LRRC41: variants seen among roughly 807,000 people sequenced by gnomAD.
LRRC41 encodes the protein leucine-rich repeat-containing protein 41.
In LRRC41, 17 loss-of-function variants were observed where a neutral mutation model predicts 72.1. That is an observed-to-expected ratio of 0.24 (90% CI 0.16 to 0.35). LRRC41 has a LOEUF of 0.35. LRRC41 is among the 10% of genes least tolerant of loss of function. The pLI is 1.00. For missense variants in LRRC41, 759 were observed against 1,065.0 expected (o/e 0.71, Z 4.00); for synonymous variants, 427 against 431.0 (o/e 0.99, Z 0.11).
chr1:46,280,596 AT>A, intron 5 of LRRC41, 36 bp from the exon 6 acceptor site: 3 of 1,606,296 alleles, frequency 1.9e-6, no homozygotes, highest in Non-Finnish European at 2.6e-6. Context: ...CCAGCTGGCC[AT>A]CTCTACCTCA....
chr1:46,302,274 C>T lies in LRRC41; in HGVS notation c.199+850G>A, dbSNP rs914057537. ...GTCCGGGATCCCCGGGCCGTCGCCC[C>T]GCTTGGGGCCTCCTTGGCCCTTCCC... On this transcript the variant is annotated intron_variant, in intron 1 of 9. Coordinates refer to ENST00000617190, the MANE Select transcript of LRRC41 (RefSeq NM_006369.5). This position sits in a 1 kb window ranked among gnomAD's most constrained non-coding sequence, Gnocchi z 4.7. 6 of 985,250 alleles carry T rather than the reference C, an allele frequency of 6.1e-6. No individual in the cohort carries two copies. Among genetic ancestry groups the T allele is most frequent in the Non-Finnish European group, 7.2e-6 (6 of 829,888 alleles). The allele number at this position is 985,250 out of a possible 1,614,324, so 61.0% of individuals were successfully genotyped here.
Position 46,280,307 on chromosome 1 carries a change from G to A in LRRC41, c.1922-17C>T, listed in dbSNP as rs1225917764. 1.2e-6 allele frequency: 2 copies of A among 1,611,574 alleles called. No homozygotes were observed. The highest frequency in any genetic ancestry group is 1.7e-5 in the Admixed American group (1 of 60,018). ...GGTTGTACTCTGGATAGGAGGCAGA[G>A]ACCATGGACCATGGACCTTAGCTTT... On this transcript the variant is annotated splice_polypyrimidine_tract_variant and intron_variant, in intron 6 of 9. Coordinates refer to ENST00000617190, the MANE Select transcript of LRRC41 (RefSeq NM_006369.5).
chr1:46,301,843 G>T, intron 1 of LRRC41: 1 of 519,996 alleles, frequency 1.9e-6, no homozygotes, highest in African/African-American at 2.1e-5. Flanking sequence ...CTCCCCAGCA[G>T]GCCTCGGCCG....
At position 46,279,282 on chromosome 1, in the gene LRRC41, T is replaced by G. The variant is rs376475402; in HGVS notation, c.2144-25A>C. ...CCTGGAGAGAAGGGGAGAACGCCTA[T>G]CACCTCCACCCAAGAACAGGGGACA... On this transcript the variant is annotated intron_variant, in intron 8 of 9. Transcript: ENST00000617190. The surrounding 1 kb of genome is among the most constrained non-coding windows in gnomAD (Gnocchi z 4.5). 2.2e-5 allele frequency: 36 copies of G among 1,612,146 alleles called. No homozygotes were observed. The South Asian group carries it at 3.8e-4, about 17-fold the overall frequency.
In LRRC41 at chr1:46,279,881, G is replaced by C. The variant is rs957174456; in HGVS notation, c.2021-267C>G. Among the ~76,000 whole-genome samples, 1 of 152,158 alleles carries C rather than the reference G, an allele frequency of 6.6e-6. No homozygotes were observed. The highest frequency in any genetic ancestry group is 1.5e-5 in the Non-Finnish European group (1 of 68,034). ...AACACTGGCCACCCTCTATGCGGGG[G>C]TGGGGATCAGAGAAAAGTCTATGAG... On this transcript the variant is annotated intron_variant, in intron 7 of 9. Coordinates refer to ENST00000617190, the MANE Select transcript of LRRC41 (RefSeq NM_006369.5). The surrounding 1 kb of genome is among the most constrained non-coding windows in gnomAD (Gnocchi z 4.5).
chr1:46,278,383 C>A lies in LRRC41; in HGVS notation c.*482G>T. On this transcript the variant is annotated 3_prime_UTR_variant, in exon 10 of 10. Transcript: ENST00000617190. ...TGAATTTTGTTCTCTGGGAGAAAAT[C>A]ATCAAGAAGGGCTGCATGATGTTTG... is the stretch of plus-strand genomic sequence containing the variant. 3 of 1,310,762 alleles carry A rather than the reference C, an allele frequency of 2.3e-6. No homozygotes were observed. Among genetic ancestry groups the A allele is most frequent in the South Asian group, 1.3e-5 (1 of 78,530 alleles). 81.2% of individuals were successfully genotyped at this position (1,310,762 alleles called of 1,614,324 possible).
Position 46,285,584 on chromosome 1 carries a change from C to T in LRRC41, c.1273G>A (p.Glu425Lys), listed in dbSNP as rs770363572. ...DFVFIVAGEK[E>K]DGEEMEIGEV... ...CCAATCTCCATCTCTTCGCCATCCT[C>T]CTTCTCGCCAGCCACAATAAAAACG... Residue 425 changes from glutamate (E) to lysine (K), a missense_variant, in exon 4 of 10, where the codon GAG (glutamate) becomes AAG (lysine). Glu to Lys is a moderately conservative substitution (Grantham distance 56). Transcript: ENST00000617190. The surrounding 1 kb of genome is among the most constrained non-coding windows in gnomAD (Gnocchi z 5.3). 1 of 1,613,710 alleles carries T rather than the reference C, an allele frequency of 6.2e-7. No individual in the cohort carries two copies. Among genetic ancestry groups the T allele is most frequent in the East Asian group, 2.2e-5 (1 of 44,868 alleles).
chr1:46,285,762 G>A lies in LRRC41; in HGVS notation c.1095C>T (p.Ser365=). The A allele has an allele frequency of 1.9e-6, 3 of 1,599,308 alleles. No individual in the cohort carries two copies. The highest frequency in any genetic ancestry group is 1.7e-6 in the Non-Finnish European group (2 of 1,172,968). Residue 365 remains serine (S), a synonymous_variant, in exon 4 of 10, where the codon TCC becomes TCT. Coordinates refer to ENST00000617190, the MANE Select transcript of LRRC41 (RefSeq NM_006369.5). The surrounding 1 kb of genome is among the most constrained non-coding windows in gnomAD (Gnocchi z 5.3). ...KRSPSAPAAT[S]SASSSTSSYK... ...ATGAGGATGTAGAAGAAGAGGCAGA[G>A]GAGGTGGCTGCTGGAGCAGAAGGTG...
At chr1:46,297,364 C>G in intron 3 of LRRC41, 199 bp downstream of exon 3, 1 of 487,620 alleles carries the variant, frequency 2.1e-6, no homozygotes, top group East Asian at 3.3e-5. Flanking sequence ...TTTTGTGTCC[C>G]CTGCAAATAC....
chr1:46,284,790 G>A (rs888001649), intron 4 of LRRC41, among the ~76,000 whole-genome samples: 4 of 152,172 alleles, frequency 2.6e-5, no homozygotes, highest in Non-Finnish European at 4.4e-5. Flanking sequence ...AGGTTCATAC[G>A]AGGTTAGTGA....
chr1:46,293,327 C>A (rs1661056363), intron 3 of LRRC41, among the ~76,000 whole-genome samples: 1 of 152,042 alleles, frequency 6.6e-6, no homozygotes, highest in Non-Finnish European at 1.5e-5. Context: ...GCAGCCTTGA[C>A]CCCTGACGCT....
chr1:46,293,236 T>G (rs1296718390), intron 3 of LRRC41, among the ~76,000 whole-genome samples: 1 of 151,290 alleles, frequency 6.6e-6, no homozygotes, highest in Non-Finnish European at 1.5e-5. Context: ...ATGGTCACTT[T>G]TATTATTTCT....
In LRRC41 at chr1:46,279,420, C is replaced by T. The variant is rs760070758; in HGVS notation, c.2143+72G>A. 1.6e-5 allele frequency: 25 copies of T among 1,611,512 alleles called. No individual in the cohort carries two copies. The South Asian group carries it at 2.6e-4, about 17-fold the overall frequency. On this transcript the variant is annotated intron_variant, in intron 8 of 9. Transcript: ENST00000617190. The surrounding 1 kb of genome is among the most constrained non-coding windows in gnomAD (Gnocchi z 4.5). ...ACGTTCCCAGTGGAGAGGTCTTTGC[C>T]TTTATCCAGTGAGTTTTTAGGTCAA...
rs1460822342 is a variant in LRRC41, at chr1:46,279,944, C to T, written c.2020+248G>A. ...CAGTACATTTATTTTGCCCCACCAC[C>T]ACCATTTTGTCCACCTCTGAAAGGT... On this transcript the variant is annotated intron_variant, in intron 7 of 9. Transcript: ENST00000617190. The surrounding 1 kb of genome is among the most constrained non-coding windows in gnomAD (Gnocchi z 4.5). 1.3e-5 allele frequency among the ~76,000 whole-genome samples: 2 copies of T among 152,176 alleles called. No individual in the cohort carries two copies. The highest frequency in any genetic ancestry group is 4.8e-5 in the African/African-American group (2 of 41,434).
At position 46,279,330 on chromosome 1, in the gene LRRC41, G is replaced by A; in HGVS notation, c.2144-73C>T. The A allele has an allele frequency of 1.3e-6, 2 of 1,584,130 alleles. No individual in the cohort carries two copies. Among genetic ancestry groups the A allele is most frequent in the Non-Finnish European group, 1.7e-6 (2 of 1,152,862 alleles). ...ACAAGGGTATCCCAACCCAACTATG[G>A]CTGGCAGAACCAGCCCTGCTGGTTC... On this transcript the variant is annotated intron_variant, in intron 8 of 9. Coordinates refer to ENST00000617190, the MANE Select transcript of LRRC41 (RefSeq NM_006369.5). The surrounding 1 kb of genome is among the most constrained non-coding windows in gnomAD (Gnocchi z 4.5).
intron 4 of LRRC41, among the ~76,000 whole-genome samples, chr1:46,283,022 C>CA (rs59632701): frequency 0.023 from 1,239 of 53,594 alleles, 12 homozygotes; most frequent in African/African-American, 0.032. Context: ...GACTCCCTGT[C>CA]AAAAAAAAAA....
At chr1:46,282,308 C>T (rs1315050202) in intron 4 of LRRC41, among the ~76,000 whole-genome samples, 1 of 152,130 alleles carries the variant, frequency 6.6e-6, no homozygotes, top group Non-Finnish European at 1.5e-5. Flanking sequence ...GGGAATGGGG[C>T]AGGAAAAGAT....
intron 3 of LRRC41, among the ~76,000 whole-genome samples, chr1:46,292,274 T>A (rs958939562): frequency 4.7e-5 from 7 of 150,404 alleles, no homozygotes; most frequent in Admixed American, 4.0e-4. Context: ...AAAAAAAAAA[T>A]TATTGTAGAG....
At chr1:46,284,853 C>T (rs375886523) in intron 4 of LRRC41, among the ~76,000 whole-genome samples, 3 of 152,166 alleles carry the variant, frequency 2.0e-5, no homozygotes, top group East Asian at 3.9e-4. Flanking sequence ...TAGCAGTGCT[C>T]AGCAACCTAG....
Sources: gnomAD v4.1 joint callset for allele counts (sites outside exome capture counted in the v4.1 genomes callset) on GRCh38, gnomAD v4.1.1 for gene constraint, Gnocchi (gnomAD v3.1) non-coding constraint, MANE v1.5 for transcripts, NCBI Gene and HGNC (gene_info 2026-07-23, HGNC 2026-07-21) for gene names.